The following PBX1 variants were observed in gnomAD, a reference collection of about 807,000 sequenced individuals.
PBX1 encodes the protein PBX homeobox 1.
A neutral mutation model predicts 53.4 loss-of-function variants in PBX1; 6 were observed. The ratio of observed to expected loss-of-function variants is 0.11; its 90% CI spans 0.06 to 0.22. The LOEUF is 0.22. Among genes scored for constraint, PBX1 ranks in the 10% least tolerant of loss-of-function variants. The probability of loss-of-function intolerance (pLI) is 1.00; values close to 1 mark genes in which losing one functional copy is unlikely to be tolerated. For missense variants in PBX1, 251 were observed against 551.4 expected, an observed-to-expected ratio of 0.46 and a Z score of 5.46; for synonymous variants, 204 against 212.3, an observed-to-expected ratio of 0.96 and a Z score of 0.34.
intron 4 of PBX1, among the ~76,000 whole-genome samples, chr1:164,804,602 A>T (rs1669246484): frequency 6.6e-6 from 1 of 152,208 alleles, no homozygotes; most frequent in African/African-American, 2.4e-5. Context: ...GGACAGCACT[A>T]GTCATACAGT....
intron 4 of PBX1, among the ~76,000 whole-genome samples, chr1:164,805,534 A>G (rs1669308562): frequency 6.6e-6 from 1 of 152,188 alleles, no homozygotes. Context: ...TTTGAGTTCA[A>G]TTGGAAGAGT....
At chr1:164,679,017 T>C (rs937310846) in intron 2 of PBX1, among the ~76,000 whole-genome samples, 5 of 152,208 alleles carry the variant, frequency 3.3e-5, no homozygotes, top group Admixed American at 3.3e-4. Context: ...TAAATTCATA[T>C]TCTACATGTA....
intron 2 of PBX1, among the ~76,000 whole-genome samples, chr1:164,716,352 A>G (rs1664081112): frequency 6.6e-6 from 1 of 152,158 alleles, no homozygotes; most frequent in Admixed American, 6.5e-5. Context: ...AAGAATATGT[A>G]GCCTACATAT....
chr1:164,757,184 G>A (rs905584045), intron 2 of PBX1, among the ~76,000 whole-genome samples: 1 of 152,080 alleles, frequency 6.6e-6, no homozygotes, highest in Non-Finnish European at 1.5e-5. Context: ...TTTTATAAGG[G>A]AGACATATAA....
At chr1:164,573,202 A>G (rs1490799630) in intron 2 of PBX1, among the ~76,000 whole-genome samples, 1 of 152,192 alleles carries the variant, frequency 6.6e-6, no homozygotes, top group Non-Finnish European at 1.5e-5. Context: ...ACATGTAATC[A>G]ATATAAAAAT....
At chr1:164,652,436 G>T (rs1368316506) in intron 2 of PBX1, among the ~76,000 whole-genome samples, 2 of 151,808 alleles carry the variant, frequency 1.3e-5, no homozygotes, top group African/African-American at 4.8e-5. Flanking sequence ...TATATTATTG[G>T]CATTTTATAT....
At chr1:164,856,190 C>T (rs928121585), downstream of PBX1, among the ~76,000 whole-genome samples, 4 of 152,158 alleles carry the variant, frequency 2.6e-5, no homozygotes, top group African/African-American at 9.7e-5. Context: ...GCACCACTCC[C>T]CACAAAGCCT....
intron 2 of PBX1, chr1:164,769,732 A>G: frequency 6.6e-6 from 1 of 152,198 alleles, no homozygotes; most frequent in South Asian, 2.1e-4. Flanking sequence ...CTATAGTACT[A>G]AAAGGAACTT....
At chr1:164,853,940 ATT>A (rs58184792), downstream of PBX1, among the ~76,000 whole-genome samples, 414 of 145,906 alleles carry the variant, frequency 2.8e-3, 6 homozygotes, top group African/African-American at 9.6e-3. Context: ...TATTTATTTT[ATT>A]TTTTTTTTTG....
intron 2 of PBX1, among the ~76,000 whole-genome samples, chr1:164,569,564 A>AATTT (rs1653682380): frequency 6.4e-5 from 5 of 78,186 alleles, no homozygotes; most frequent in African/African-American, 2.7e-4. Flanking sequence ...TTTTCCTTGC[A>AATTT]TTTTTTTTTT....
Position 164,562,821 on chromosome 1 carries a change from C to G in PBX1, c.192-417C>G, listed in dbSNP as rs1225516738. 4 of 152,722 alleles carry G rather than the reference C, an allele frequency of 2.6e-5. No individual in the cohort carries two copies. In the East Asian group the frequency reaches 5.7e-4, roughly 22 times the overall value. The allele number at this position is 152,722 out of a possible 1,614,324, so 9.5% of individuals were successfully genotyped here. On this transcript the variant is annotated intron_variant, in intron 1 of 8. Coordinates refer to ENST00000420696, the MANE Select transcript of PBX1 (RefSeq NM_002585.4). Reference sequence around the variant, plus strand: ...CACATGGATGAATTAAATTTGAAAACACACAGACCGAGAGGCAGACAGTTC... The same window carrying G: ...CACATGGATGAATTAAATTTGAAAAGACACAGACCGAGAGGCAGACAGTTC...
At chr1:164,750,725 A>G (rs1666166316) in intron 2 of PBX1, among the ~76,000 whole-genome samples, 2 of 152,164 alleles carry the variant, frequency 1.3e-5, no homozygotes, top group South Asian at 4.2e-4. Context: ...TATGTTATAT[A>G]CTAGGCTAGA....
At chr1:164,827,575 GAGTA>G (rs1161094910) in intron 8 of PBX1, among the ~76,000 whole-genome samples, 2 of 152,214 alleles carry the variant, frequency 1.3e-5, no homozygotes, top group East Asian at 1.9e-4. Context: ...TTGGGAAACA[GAGTA>G]AGTAAGTGCC....
In PBX1 at chr1:164,851,529, T is replaced by C. The variant is rs932197377; in HGVS notation, c.*4853T>C. The C allele has an allele frequency of 9.6e-5, 18 of 187,638 alleles. No homozygotes were observed. Among genetic ancestry groups the C allele is most frequent in the Admixed American group, 2.5e-4 (4 of 16,164 alleles). The allele number at this position is 187,638 out of a possible 1,614,324, so 11.6% of individuals were successfully genotyped here. A position where few individuals can be genotyped will look rare whatever the true frequency, so the allele number is the denominator to read the frequency against. On this transcript the variant is annotated 3_prime_UTR_variant, in exon 9 of 9. Coordinates refer to ENST00000420696, the MANE Select transcript of PBX1 (RefSeq NM_002585.4). The stretch of plus-strand genomic sequence containing the variant: ...AATGTTTTTCTCCTTTTCTCTCTTA[T>C]TACTTCTTTCCTTTGGCATTTTCAA...
At chr1:164,790,914 T>G (rs1203708599) in intron 2 of PBX1, among the ~76,000 whole-genome samples, 1 of 152,152 alleles carries the variant, frequency 6.6e-6, no homozygotes, top group African/African-American at 2.4e-5. Context: ...GGGAGACACC[T>G]GGAACTGGCA....
intron 2 of PBX1, among the ~76,000 whole-genome samples, chr1:164,781,741 C>T (rs1667946369): frequency 6.6e-6 from 1 of 152,128 alleles, no homozygotes; most frequent in South Asian, 2.1e-4. Flanking sequence ...TGCTGATAGC[C>T]GTGGTAGTAC....
intron 5 of PBX1, among the ~76,000 whole-genome samples, 192 bp from the exon 6 acceptor site, chr1:164,811,796 CAA>C (rs993351607): frequency 3.3e-5 from 5 of 152,136 alleles, no homozygotes; most frequent in African/African-American, 9.7e-5. Context: ...TTATATTAAA[CAA>C]GAGAATCGCA....
intron 2 of PBX1, among the ~76,000 whole-genome samples, chr1:164,696,943 C>A (rs1662829870): frequency 6.6e-6 from 1 of 152,174 alleles, no homozygotes; most frequent in South Asian, 2.1e-4. Flanking sequence ...TGGAGTCAGA[C>A]TGACCCAAAT....
At chr1:164,874,981 C>T (rs1571551460) in intron 2 of PBX1, among the ~76,000 whole-genome samples, 2 of 152,132 alleles carry the variant, frequency 1.3e-5, no homozygotes, top group Non-Finnish European at 2.9e-5. Flanking sequence ...AGACTAAAGA[C>T]GTACAATCAT....
Sources: gnomAD v4.1 joint callset for allele counts (sites outside exome capture counted in the v4.1 genomes callset) on GRCh38, gnomAD v4.1.1 for gene constraint, MANE v1.5 for transcripts, NCBI Gene and HGNC (gene_info 2026-07-23, HGNC 2026-07-21) for gene names.